The following PTPRZ1 variants were observed in gnomAD, a reference collection of about 807,000 sequenced individuals.
PTPRZ1 encodes the protein protein tyrosine phosphatase receptor type Z1.
A neutral mutation model predicts 214.1 loss-of-function variants in PTPRZ1; 82 were observed. The observed-to-expected ratio is 0.38, with a 90% CI of 0.32 to 0.46. The LOEUF is 0.46. Ranked by LOEUF, PTPRZ1 falls within the 20% of genes least tolerant of loss-of-function variation. PTPRZ1 has a pLI of 1.00. For missense variants in PTPRZ1, 2,603 were observed against 2,748.7 expected, an observed-to-expected ratio of 0.95 and a Z score of 1.19; for synonymous variants, 945 against 987.9, an observed-to-expected ratio of 0.96 and a Z score of 0.81.
In PTPRZ1 at chr7:121,983,761, C is replaced by T. The variant is rs1405435258; in HGVS notation, c.716C>T (p.Pro239Leu). The T allele has an allele frequency of 6.2e-7, 1 of 1,613,734 alleles. No homozygotes were observed. The highest frequency in any genetic ancestry group is 8.5e-7 in the Non-Finnish European group (1 of 1,179,912). The change falls in exon 7 of 30, where the codon CCC (proline) becomes CTC (leucine). Residue 239 changes from proline to leucine, a missense_variant. By Grantham distance (98) the Pro-to-Leu change is moderately conservative (BLOSUM62 -3). Coordinates refer to ENST00000393386, the MANE Select transcript of PTPRZ1 (RefSeq NM_002851.3). The stretch of plus-strand genomic sequence containing the variant: ...TACAATGGCTCATTGACATCTCCTC[C>T]CTGCACAGACACAGTTGACTGGATT... ...YIYNGSLTSP[P>L]CTDTVDWIVF...
At chr7:121,994,298 T>TTTC (rs1798066412) in intron 8 of PTPRZ1, among the ~76,000 whole-genome samples, 1 of 128,872 alleles carries the variant, frequency 7.8e-6, no homozygotes, top group South Asian at 2.8e-4. Flanking sequence ...TCTTTTTTTT[T>TTTC]TTTTTTTTTT....
At chr7:121,926,837 T>G (rs1349520297) in intron 1 of PTPRZ1, among the ~76,000 whole-genome samples, 1 of 152,178 alleles carries the variant, frequency 6.6e-6, no homozygotes, top group Admixed American at 6.5e-5. Flanking sequence ...AAAATATAGA[T>G]TTATGTTGAA....
chr7:122,028,578 A>G lies in PTPRZ1; in HGVS notation c.5015A>G (p.Tyr1672Cys). 6.5e-7 allele frequency: 1 copy of G among 1,544,072 alleles called. No homozygotes were observed. The highest frequency in any genetic ancestry group is 9.0e-7 in the Non-Finnish European group (1 of 1,116,718). Residue 1672 changes from tyrosine to cysteine, a missense_variant, in exon 14 of 30, where the codon TAC (tyrosine) becomes TGC (cysteine). By Grantham distance (194) the Tyr-to-Cys change is radical. Transcript: ENST00000393386. ...AAATGCTTCCAGACTGCACACTTTT[A>G]CTTAGAGGACAGTACATCCCCTAGA... ...WRKCFQTAHF[Y>C]LEDSTSPRVI... is the part of the protein sequence containing the mutation.
chr7:122,037,144 G>A lies in PTPRZ1; in HGVS notation c.5367+462G>A, dbSNP rs948092036. ...AAAAAAATTAGCTGGGCGTTGTGGCGGGCGCCTGTAGTCCCAGCTACTCGG... is the reference window on the plus strand; with the variant it reads ...AAAAAAATTAGCTGGGCGTTGTGGCAGGCGCCTGTAGTCCCAGCTACTCGG... On this transcript the variant is annotated intron_variant, in intron 18 of 29. Coordinates refer to ENST00000393386, the MANE Select transcript of PTPRZ1 (RefSeq NM_002851.3). Among the ~76,000 whole-genome samples, 60 of 151,970 alleles carry A rather than the reference G, an allele frequency of 3.9e-4. 2 individuals are homozygous for A. Among genetic ancestry groups the A allele is most frequent in the African/African-American group, 1.4e-3 (59 of 41,472 alleles).
At chr7:122,059,098 T>C (rs1341856346) in intron 28 of PTPRZ1, among the ~76,000 whole-genome samples, 156 bp downstream of exon 28, 1 of 21,376 alleles carries the variant, frequency 4.7e-5, no homozygotes, top group South Asian at 1.5e-3. Flanking sequence ...ACACAGAACA[T>C]TTTTTTTTTT....
At chr7:121,921,495 G>T in intron 1 of PTPRZ1, among the ~76,000 whole-genome samples, 1 of 152,076 alleles carries the variant, frequency 6.6e-6, no homozygotes, top group East Asian at 1.9e-4. Flanking sequence ...CTCCTTGAAT[G>T]ATTTTACCAT....
At chr7:121,897,767 T>G (rs1350560003) in intron 1 of PTPRZ1, among the ~76,000 whole-genome samples, 2 of 152,204 alleles carry the variant, frequency 1.3e-5, no homozygotes, top group African/African-American at 4.8e-5. Flanking sequence ...AGTGAATATA[T>G]TTACGGCTCC....
At chr7:122,041,186 T>G (rs1431444064) in intron 21 of PTPRZ1, among the ~76,000 whole-genome samples, 1 of 152,240 alleles carries the variant, frequency 6.6e-6, no homozygotes, top group African/African-American at 2.4e-5. Context: ...AAGCACCACA[T>G]ATTTTTTGAT....
chr7:122,050,098 T>A (rs1792123201), intron 23 of PTPRZ1, among the ~76,000 whole-genome samples: 1 of 152,142 alleles, frequency 6.6e-6, no homozygotes, highest in Non-Finnish European at 1.5e-5. Flanking sequence ...ATGGATTAAC[T>A]ACCTAAAGGT....
At chr7:122,035,795 T>C (rs2150473821) in intron 17 of PTPRZ1, among the ~76,000 whole-genome samples, 1 of 152,338 alleles carries the variant, frequency 6.6e-6, no homozygotes, top group East Asian at 1.9e-4. Flanking sequence ...TTGAAAAGAA[T>C]AATCTTCTCA....
At chr7:122,054,857 C>A in intron 26 of PTPRZ1, 84 bp from the exon 27 acceptor site, 1 of 1,330,422 alleles carries the variant, frequency 7.5e-7, no homozygotes, top group Non-Finnish European at 1.0e-6. Context: ...AATTTCTGTG[C>A]CAACCAATTA....
chr7:122,001,558 A>G (rs1479276800), intron 10 of PTPRZ1, among the ~76,000 whole-genome samples: 1 of 152,114 alleles, frequency 6.6e-6, no homozygotes, highest in Non-Finnish European at 1.5e-5. Context: ...CATCCTTCCT[A>G]TTAGTGTTAT....
intron 1 of PTPRZ1, among the ~76,000 whole-genome samples, chr7:121,892,761 A>G (rs2116223184): frequency 6.9e-6 from 1 of 144,168 alleles, no homozygotes; most frequent in South Asian, 2.2e-4. Context: ...GACTCTTAAG[A>G]AAATAATCAG....
chr7:122,044,396 G>A (rs117293380), intron 22 of PTPRZ1, 26 bp from the exon 23 acceptor site: 35 of 1,612,742 alleles, frequency 2.2e-5, no homozygotes, highest in Non-Finnish European at 3.0e-5. Context: ...TTGAACTAAT[G>A]TTGCTTATTG....
intron 11 of PTPRZ1, among the ~76,000 whole-genome samples, chr7:122,009,674 G>A (rs1437632903): frequency 2.0e-5 from 3 of 151,936 alleles, no homozygotes; most frequent in African/African-American, 7.3e-5. Flanking sequence ...GGAAGATTCA[G>A]CCTCCTGAAT....
intron 2 of PTPRZ1, among the ~76,000 whole-genome samples, chr7:121,964,240 T>A (rs536617557): frequency 2.6e-5 from 4 of 152,326 alleles, no homozygotes; most frequent in African/African-American, 9.6e-5. Context: ...TATAAGGACA[T>A]ACCTGAGACT....
At position 122,027,992 on chromosome 7, in the gene PTPRZ1, G is replaced by A. The variant is rs548800832; in HGVS notation, c.4989-560G>A. On this transcript the variant is annotated intron_variant, in intron 13 of 29. Coordinates refer to ENST00000393386, the MANE Select transcript of PTPRZ1 (RefSeq NM_002851.3). ...CTTTTTTCATCAAAATGTTACCACG[G>A]TGTAGTTTCATTTCTACGTAGTTCA... Among the ~76,000 whole-genome samples the A allele has an allele frequency of 1.2e-4, 19 of 152,178 alleles. No homozygotes were observed. The South Asian group carries it at 3.7e-3, about 30-fold the overall frequency.
intron 1 of PTPRZ1, among the ~76,000 whole-genome samples, chr7:121,899,448 TA>T (rs376252762): frequency 2.0e-5 from 3 of 152,230 alleles, no homozygotes; most frequent in South Asian, 2.1e-4. Flanking sequence ...TAAAAGTTCA[TA>T]TTTTTTTAAG....
chr7:122,060,966 C>T, intron 29 of PTPRZ1, 114 bp from the exon 30 acceptor site: 1 of 1,000,712 alleles, frequency 1.0e-6, no homozygotes, highest in Non-Finnish European at 1.4e-6. Context: ...GTGCCCTTAA[C>T]ACATTGCCCT....
Sources: gnomAD v4.1 joint callset for allele counts (sites outside exome capture counted in the v4.1 genomes callset) on GRCh38, gnomAD v4.1.1 for gene constraint, MANE v1.5 for transcripts, NCBI Gene and HGNC (gene_info 2026-07-23, HGNC 2026-07-21) for gene names.